Variants in PCDHA10 observed in about 807,000 individuals in gnomAD.
PCDHA10 encodes the protein protocadherin alpha-10.
In PCDHA10, 45 loss-of-function variants were observed where a neutral mutation model predicts 61.2. That is an observed-to-expected ratio of 0.74 (90% CI 0.58 to 0.94). PCDHA10 has a LOEUF of 0.94. Among genes scored for constraint, PCDHA10 ranks in the 40% least tolerant of loss-of-function variants. The pLI is 0.00. For missense variants in PCDHA10, 1,278 were observed against 1,236.2 expected (o/e 1.03, Z -0.51); for synonymous variants, 602 against 548.8 (o/e 1.10, Z -1.35).
chr5:140,875,402 C>T, intron 1 of PCDHA10: 1 of 1,488,874 alleles, frequency 6.7e-7, no homozygotes, highest in Non-Finnish European at 8.9e-7. Flanking sequence ...AGGGTGACTG[C>T]TCATAAAATA....
intron 1 of PCDHA10, chr5:140,875,557 G>C: frequency 5.6e-6 from 9 of 1,614,064 alleles, no homozygotes; most frequent in Non-Finnish European, 7.6e-6. Flanking sequence ...GGTGGGGAGC[G>C]GCCAGCTCCA....
chr5:140,961,985 G>A (rs782724308), intron 1 of PCDHA10, among the ~76,000 whole-genome samples: 30 of 151,692 alleles, frequency 2.0e-4, no homozygotes, highest in Non-Finnish European at 4.0e-4. Context: ...CTGGGTTCAC[G>A]CCATTGTCCT....
At position 141,011,990 on chromosome 5, in the gene PCDHA10, T is replaced by C. The variant is rs1554263765; in HGVS notation, c.*2053T>C. On this transcript the variant is annotated 3_prime_UTR_variant, in exon 4 of 4. Transcript: ENST00000307360. ...ACTGTCTTGTCTACTTTTAGCTTCA[T>C]TCTCCCATATTTTGAAGGGTGTGTA... 1 of 153,772 alleles carries C rather than the reference T, an allele frequency of 6.5e-6. No homozygotes were observed. The highest frequency in any genetic ancestry group is 1.5e-5 in the Non-Finnish European group (1 of 68,038). 9.5% of individuals were successfully genotyped at this position (153,772 alleles called of 1,614,324 possible). A position where few individuals can be genotyped will look rare whatever the true frequency, so the allele number is the denominator to read the frequency against.
intron 1 of PCDHA10, among the ~76,000 whole-genome samples, chr5:140,907,205 G>T (rs549918744): frequency 2.0e-5 from 3 of 152,196 alleles, no homozygotes; most frequent in East Asian, 3.9e-4. Context: ...GGAGAATTTT[G>T]CCCCAGCCCT....
At chr5:140,870,863 G>A in intron 1 of PCDHA10, 1 of 1,613,928 alleles carries the variant, frequency 6.2e-7, no homozygotes, top group Non-Finnish European at 8.5e-7. Flanking sequence ...GTGGGTGCGG[G>A]CCACGTGGTG....
Position 140,883,457 on chromosome 5 carries a change from C to T in PCDHA10, c.2388+25021C>T, listed in dbSNP as rs142331981. Reference sequence around the variant, plus strand: ...CTTGACGCCGCATGTCCCCTTCAAGCTGGTGTCCACCTACAAGAACTACTA... The same window carrying T: ...CTTGACGCCGCATGTCCCCTTCAAGTTGGTGTCCACCTACAAGAACTACTA... On this transcript the variant is annotated intron_variant, in intron 1 of 3. Coordinates refer to ENST00000307360, the MANE Select transcript of PCDHA10 (RefSeq NM_018901.4). 3.6e-4 allele frequency: 576 copies of T among 1,614,196 alleles called. 4 individuals are homozygous for T. In the African/African-American group the frequency reaches 6.4e-3, roughly 18 times the overall value.
intron 1 of PCDHA10, among the ~76,000 whole-genome samples, chr5:140,914,575 A>G (rs2076765762): frequency 2.0e-5 from 3 of 152,018 alleles, no homozygotes; most frequent in African/African-American, 7.2e-5. Context: ...TTTACATTCA[A>G]TAATTTCATT....
intron 3 of PCDHA10, among the ~76,000 whole-genome samples, chr5:141,006,898 C>A (rs2098293427): frequency 6.6e-6 from 1 of 152,152 alleles, no homozygotes; most frequent in East Asian, 1.9e-4. Context: ...TTTCAGATTT[C>A]TTCAGTTTGG....
chr5:141,003,370 G>A (rs192935173), intron 3 of PCDHA10, among the ~76,000 whole-genome samples: 1 of 152,262 alleles, frequency 6.6e-6, no homozygotes, highest in East Asian at 1.9e-4. Context: ...GGAGTGCAGT[G>A]GTGCAATCTC....
chr5:140,995,314 G>A (rs2097676013), intron 3 of PCDHA10, among the ~76,000 whole-genome samples: 1 of 152,140 alleles, frequency 6.6e-6, no homozygotes, highest in Admixed American at 6.5e-5. Context: ...CTTTCTAAGT[G>A]AACTAACAGG....
At chr5:140,876,141 AG>A in intron 1 of PCDHA10, 1 of 1,613,984 alleles carries the variant, frequency 6.2e-7, no homozygotes, top group Non-Finnish European at 8.5e-7. Context: ...CAGAACTAAC[AG>A]GGTCTGTCCA....
At chr5:140,992,035 G>A (rs529236840) in intron 3 of PCDHA10, among the ~76,000 whole-genome samples, 1 of 151,988 alleles carries the variant, frequency 6.6e-6, no homozygotes, top group Non-Finnish European at 1.5e-5. Flanking sequence ...GTGTGTGTGT[G>A]TGTGTGTGTG....
At chr5:140,981,479 C>T (rs1275257398) in intron 2 of PCDHA10, among the ~76,000 whole-genome samples, 20 of 152,148 alleles carry the variant, frequency 1.3e-4, no homozygotes, top group African/African-American at 4.8e-4. Flanking sequence ...GAGGCTGAGG[C>T]AGGAGAATTG....
chr5:140,963,438 CT>C (rs2095766112), intron 1 of PCDHA10, among the ~76,000 whole-genome samples: 1 of 152,242 alleles, frequency 6.6e-6, no homozygotes, highest in Admixed American at 6.5e-5. Context: ...TAACTTCATA[CT>C]CTGTTGCTAA....
chr5:141,009,772 C>T lies in PCDHA10; in HGVS notation c.2682C>T (p.Ile894=). The T allele has an allele frequency of 1.9e-6, 3 of 1,614,158 alleles. No individual in the cohort carries two copies. Among genetic ancestry groups the T allele is most frequent in the Non-Finnish European group, 2.5e-6 (3 of 1,180,032 alleles). The stretch of plus-strand genomic sequence containing the variant: ...TCATTATCCCAGGATCTCCTGCAAT[C>T]ATCTCCATCCGGCAGGAGCCTACTA... ...DKFIIPGSPA[I]ISIRQEPTNS... Residue 894 remains isoleucine (I), a synonymous_variant, in exon 4 of 4, where the codon ATC becomes ATT. Coordinates refer to ENST00000307360, the MANE Select transcript of PCDHA10 (RefSeq NM_018901.4).
chr5:140,997,046 T>C (rs2097756944), intron 3 of PCDHA10, among the ~76,000 whole-genome samples: 1 of 152,176 alleles, frequency 6.6e-6, no homozygotes, highest in Admixed American at 6.5e-5. Flanking sequence ...AACTTTACTT[T>C]TTAGAGCAGT....
At chr5:140,913,706 C>A (rs1431880255) in intron 1 of PCDHA10, among the ~76,000 whole-genome samples, 4 of 152,054 alleles carry the variant, frequency 2.6e-5, no homozygotes, top group Non-Finnish European at 5.9e-5. Context: ...CCAATGTAGG[C>A]AATTACAGCT....
At chr5:140,992,282 TG>T (rs1554252798) in intron 3 of PCDHA10, among the ~76,000 whole-genome samples, 1 of 152,178 alleles carries the variant, frequency 6.6e-6, no homozygotes, top group African/African-American at 2.4e-5. Context: ...AGCACATCCC[TG>T]CAAAGGATGG....
chr5:140,929,143 T>C (rs2085863317), intron 1 of PCDHA10: 1 of 1,614,234 alleles, frequency 6.2e-7, no homozygotes, highest in Non-Finnish European at 8.5e-7. Context: ...TGAGAGACTT[T>C]CTCAGACTTA....
Sources: gnomAD v4.1 joint callset for allele counts (sites outside exome capture counted in the v4.1 genomes callset) on GRCh38, gnomAD v4.1.1 for gene constraint, MANE v1.5 for transcripts, NCBI Gene and HGNC (gene_info 2026-07-23, HGNC 2026-07-21) for gene names.